Variants in COBLL1 observed in about 807,000 individuals in gnomAD.
COBLL1 encodes cordon-bleu WH2 repeat protein like 1, also known as cordon-bleu protein-like 1.
COBLL1 carries 50 observed loss-of-function variants against 94.8 expected under a neutral mutation model. The ratio of observed to expected loss-of-function variants is 0.53; its 90% CI spans 0.42 to 0.67. The LOEUF is 0.67. Ranked by LOEUF, COBLL1 falls within the 30% of genes least tolerant of loss-of-function variation. The pLI is 0.00. For missense variants in COBLL1, 1,362 were observed against 1,348.7 expected (o/e 1.01, Z -0.15); for synonymous variants, 448 against 473.8 (o/e 0.95, Z 0.71).
chr2:164,731,457 C>G (rs1161141881), intron 3 of COBLL1, among the ~76,000 whole-genome samples: 5 of 152,298 alleles, frequency 3.3e-5, no homozygotes, highest in Non-Finnish European at 7.4e-5. Context: ...ATATCACTGA[C>G]AGAACAACAT....
intron 2 of COBLL1, among the ~76,000 whole-genome samples, chr2:164,778,808 A>G (rs1224649600): frequency 6.6e-6 from 1 of 152,190 alleles, no homozygotes; most frequent in African/African-American, 2.4e-5. Context: ...AAGACCTGGT[A>G]GCACTGGGAA....
At chr2:164,801,202 G>A (rs1291955177) in intron 2 of COBLL1, among the ~76,000 whole-genome samples, 1 of 151,898 alleles carries the variant, frequency 6.6e-6, no homozygotes, top group African/African-American at 2.4e-5. Flanking sequence ...CACTTTGGGA[G>A]GCCGAGGCAG....
chr2:164,822,759 T>C (rs980304003), intron 2 of COBLL1, among the ~76,000 whole-genome samples: 2 of 147,234 alleles, frequency 1.4e-5, no homozygotes, highest in African/African-American at 4.9e-5. Flanking sequence ...TTATTATTAT[T>C]ATTATTATTA....
At chr2:164,729,765 A>G (rs1685889981) in intron 4 of COBLL1, 149 bp downstream of exon 4, 1 of 669,002 alleles carries the variant, frequency 1.5e-6, no homozygotes, top group African/African-American at 1.8e-5. Context: ...AGGGATCAAT[A>G]GCCAACTGAA....
At position 164,704,426 on chromosome 2, in the gene COBLL1, A is replaced by G; in HGVS notation, c.1225+18T>C. On this transcript the variant is annotated intron_variant, in intron 9 of 13. Coordinates refer to ENST00000652658, the MANE Select transcript of COBLL1 (RefSeq NM_001365672.2). Reference sequence around the variant, plus strand: ...TCCTTTTTCAGTAATTACACCATGTAGAATAAGGGTGTCATACCTGGGCTG... The same window carrying G: ...TCCTTTTTCAGTAATTACACCATGTGGAATAAGGGTGTCATACCTGGGCTG... The G allele has an allele frequency of 1.3e-6, 2 of 1,519,954 alleles. No individual in the cohort carries two copies. Among genetic ancestry groups the G allele is most frequent in the Non-Finnish European group, 1.8e-6 (2 of 1,094,616 alleles). The allele number at this position is 1,519,954 out of a possible 1,614,324, so 94.2% of individuals were successfully genotyped here.
At chr2:164,674,995 T>C (rs1691312833) in intron 1 of COBLL1, among the ~76,000 whole-genome samples, 1 of 152,246 alleles carries the variant, frequency 6.6e-6, no homozygotes, top group Non-Finnish European at 1.5e-5. Flanking sequence ...TTCTCCATTT[T>C]ATTCTTATTT....
chr2:164,669,764 T>C (rs539487290), intron 1 of COBLL1, among the ~76,000 whole-genome samples: 15 of 152,372 alleles, frequency 9.8e-5, no homozygotes, highest in African/African-American at 3.1e-4. Flanking sequence ...AAAATTTGCA[T>C]GTGGCTTAAA....
chr2:164,841,965 A>C, upstream of COBLL1: 1 of 1,538,442 alleles, frequency 6.5e-7, no homozygotes. This position sits in a 1 kb window ranked among gnomAD's most constrained non-coding sequence, Gnocchi z 5.5. Context: ...ACCCTGCCCC[A>C]TTTCCCTGCC....
At chr2:164,743,582 A>C (rs750064573) in intron 3 of COBLL1, 105 bp downstream of exon 3, 5 of 926,926 alleles carry the variant, frequency 5.4e-6, no homozygotes, top group Non-Finnish European at 8.6e-6. Flanking sequence ...CTGAGTGATA[A>C]ATGAAGTGTT....
chr2:164,732,987 G>A (rs990479264), intron 3 of COBLL1, among the ~76,000 whole-genome samples: 9 of 152,072 alleles, frequency 5.9e-5, no homozygotes, highest in South Asian at 2.1e-4. Context: ...CCTGGGAAGC[G>A]GAGCTTGCAG....
intron 2 of COBLL1, among the ~76,000 whole-genome samples, chr2:164,747,003 T>A (rs1224636313): frequency 6.6e-6 from 1 of 152,136 alleles, no homozygotes; most frequent in East Asian, 1.9e-4. Context: ...GTCCACACAT[T>A]TGCAAATACA....
chr2:164,834,102 C>A (rs899811225), intron 2 of COBLL1, among the ~76,000 whole-genome samples: 7 of 152,086 alleles, frequency 4.6e-5, no homozygotes, highest in Non-Finnish European at 1.0e-4. Flanking sequence ...AAAAAAAAGT[C>A]TCATAACAAC....
intron 2 of COBLL1, among the ~76,000 whole-genome samples, chr2:164,751,927 TAG>T (rs1687145008): frequency 6.6e-6 from 1 of 152,150 alleles, no homozygotes; most frequent in Non-Finnish European, 1.5e-5. Context: ...CTCAAATCTG[TAG>T]CTTCCTTTGA....
intron 2 of COBLL1, among the ~76,000 whole-genome samples, chr2:164,836,469 G>A (rs1277288632): frequency 6.6e-6 from 1 of 152,092 alleles, no homozygotes; most frequent in Non-Finnish European, 1.5e-5. Flanking sequence ...TATAATCCAT[G>A]GTAGCAAACA....
intron 2 of COBLL1, among the ~76,000 whole-genome samples, chr2:164,819,457 T>C (rs6759770): frequency 0.23 from 35,320 of 151,876 alleles, 4,468 homozygotes; most frequent in African/African-American, 0.34. Context: ...ACCTAGAAAA[T>C]ACAAACTTAA....
At chr2:164,769,797 C>T (rs536105668) in intron 2 of COBLL1, among the ~76,000 whole-genome samples, 166 of 152,250 alleles carry the variant, frequency 1.1e-3, no homozygotes, top group African/African-American at 3.6e-3. Flanking sequence ...ATACCCCCCC[C>T]AGAGCAAGCA....
chr2:164,821,664 G>C (rs745984472), intron 2 of COBLL1, among the ~76,000 whole-genome samples: 1 of 152,140 alleles, frequency 6.6e-6, no homozygotes, highest in African/African-American at 2.4e-5. Flanking sequence ...AACATATTTG[G>C]CTAGTTGGTT....
At chr2:164,802,030 T>A (rs1053652025) in intron 2 of COBLL1, among the ~76,000 whole-genome samples, 1 of 152,216 alleles carries the variant, frequency 6.6e-6, no homozygotes, top group Non-Finnish European at 1.5e-5. Flanking sequence ...GAAATTTCAT[T>A]TTAGCTTAGA....
intron 9 of COBLL1, among the ~76,000 whole-genome samples, chr2:164,702,287 G>A (rs1437473131): frequency 6.6e-6 from 1 of 152,002 alleles, no homozygotes; most frequent in Non-Finnish European, 1.5e-5. Flanking sequence ...CTCTAGGCTG[G>A]GCGTGGTGGC....
Sources: allele counts gnomAD v4.1 joint callset (sites outside exome capture counted in the v4.1 genomes callset), GRCh38; gene constraint gnomAD v4.1.1; non-coding constraint Gnocchi (gnomAD v3.1); transcripts MANE v1.5; gene names NCBI Gene and HGNC (gene_info 2026-07-23, HGNC 2026-07-21).